Variants in SETDB1 observed in about 807,000 individuals in gnomAD.
The protein encoded by SETDB1 is histone-lysine N-methyltransferase SETDB1.
SETDB1 carries 31 observed loss-of-function variants against 137.4 expected under a neutral mutation model. That is an observed-to-expected ratio of 0.23 (90% CI 0.17 to 0.30). SETDB1 has a LOEUF of 0.30. SETDB1 is among the 10% of genes least tolerant of loss of function. The probability of loss-of-function intolerance (pLI) is 1.00; values close to 1 mark genes in which losing one functional copy is unlikely to be tolerated. For synonymous variants in SETDB1, 548 were observed against 579.9 expected (o/e 0.95, Z 0.79); for missense variants, 1,113 against 1,631.5 (o/e 0.68, Z 5.47).
chr1:150,963,807 A>G, intron 20 of SETDB1, 66 bp downstream of exon 20: 1 of 1,484,856 alleles, frequency 6.7e-7, no homozygotes, highest in South Asian at 1.1e-5. Context: ...CTTTTAACAT[A>G]CTCTATAAGC....
chr1:150,926,413 TC>T lies in SETDB1; in HGVS notation c.-113del, dbSNP rs1669516328. On this transcript the variant is annotated 5_prime_UTR_variant, in exon 1 of 22. Coordinates refer to ENST00000692827, the MANE Select transcript of SETDB1 (RefSeq NM_001366418.1). ...TTCACGCTTCCTCCCCTCCCCCTCC[TC>T]CCTTATCCCTTCGCTTTCGCTCTTT... 2 of 223,682 alleles carry T rather than the reference TC, an allele frequency of 8.9e-6. No homozygotes were observed. Among genetic ancestry groups the T allele is most frequent in the Non-Finnish European group, 9.0e-6 (1 of 111,436 alleles). The allele number at this position is 223,682 out of a possible 1,614,324, so 13.9% of individuals were successfully genotyped here. A position where few individuals can be genotyped will look rare whatever the true frequency, so the allele number is the denominator to read the frequency against.
chr1:150,957,985 G>A (rs933269673), intron 14 of SETDB1, among the ~76,000 whole-genome samples: 1 of 152,074 alleles, frequency 6.6e-6, no homozygotes, highest in East Asian at 1.9e-4. Context: ...TCGGGAATTC[G>A]AGACCAGCCT....
intron 9 of SETDB1, 165 bp downstream of exon 9, chr1:150,945,273 C>A: frequency 6.9e-7 from 1 of 1,456,890 alleles, no homozygotes; most frequent in Non-Finnish European, 9.1e-7. Context: ...TTTTGTTGTT[C>A]CTCTGCAGGT....
chr1:150,948,380 C>T (rs1202735798), intron 10 of SETDB1, among the ~76,000 whole-genome samples: 1 of 150,574 alleles, frequency 6.6e-6, no homozygotes, highest in Non-Finnish European at 1.5e-5. Flanking sequence ...CAGCAATTCT[C>T]CTGCCTCAGC....
chr1:150,926,990 A>G (rs1669545182), intron 1 of SETDB1, among the ~76,000 whole-genome samples: 2 of 152,356 alleles, frequency 1.3e-5, no homozygotes, highest in South Asian at 4.1e-4. Flanking sequence ...TGAGTTCCAA[A>G]TCAACTCCAT....
At chr1:150,932,875 T>C (rs1285116327) in intron 3 of SETDB1, among the ~76,000 whole-genome samples, 1 of 152,224 alleles carries the variant, frequency 6.6e-6, no homozygotes, top group Admixed American at 6.5e-5. Context: ...CAGGATATCA[T>C]ACTTTTTTTA....
At chr1:150,961,739 TAA>T (rs1370608851) in intron 16 of SETDB1, 1 of 205,082 alleles carries the variant, frequency 4.9e-6, no homozygotes, top group Non-Finnish European at 1.0e-5. Flanking sequence ...GAAAGATTTA[TAA>T]GTGATTTTTT....
chr1:150,963,611 C>T lies in SETDB1; in HGVS notation c.3542C>T (p.Thr1181Ile). The change falls in exon 20 of 22, where the codon ACC becomes ATC. Residue 1181 changes from threonine to isoleucine, a missense_variant. Coordinates refer to ENST00000692827, the MANE Select transcript of SETDB1 (RefSeq NM_001366418.1). The part of the protein sequence containing the change: ...KSTHGIAIKS[T>I]NMASVDKGES... ...ACCCATGGGATTGCAATTAAATCAA[C>T]CAACATGGCCTCTGTGGACAAGGGG... 1 of 1,614,180 alleles carries T rather than the reference C, an allele frequency of 6.2e-7. No individual in the cohort carries two copies. Among genetic ancestry groups the T allele is most frequent in the Non-Finnish European group, 8.5e-7 (1 of 1,180,030 alleles).
At chr1:150,961,486 T>C (rs1670820985) in intron 16 of SETDB1, 1 of 353,462 alleles carries the variant, frequency 2.8e-6, no homozygotes, top group Non-Finnish European at 5.4e-6. Context: ...AAACCCCGTC[T>C]CTACTAAAAA....
intron 2 of SETDB1, 21 bp from the exon 3 acceptor site, chr1:150,929,946 C>A: frequency 6.2e-7 from 1 of 1,607,408 alleles, no homozygotes; most frequent in South Asian, 1.1e-5. Context: ...TTGACCTTTT[C>A]TGCATGTGTT....
In SETDB1 at chr1:150,943,091, G is replaced by A. The variant is rs774682227; in HGVS notation, c.875+38G>A. On this transcript the variant is annotated intron_variant, in intron 7 of 21. Transcript: ENST00000692827. ...AGGACTGTAAAGGGGTAGAGGCTGG[G>A]AGCACAGCACCTGCCCTGTTCGTGC... 1.5e-5 allele frequency: 23 copies of A among 1,484,868 alleles called. No individual in the cohort carries two copies. The Admixed American group carries it at 2.4e-4, about 15-fold the overall frequency. 92.0% of individuals were successfully genotyped at this position (1,484,868 alleles called of 1,614,324 possible).
At chr1:150,945,940 G>A (rs1571643957) in intron 9 of SETDB1, among the ~76,000 whole-genome samples, 1 of 151,976 alleles carries the variant, frequency 6.6e-6, no homozygotes, top group Admixed American at 6.6e-5. Flanking sequence ...GACCTCAAGT[G>A]ATCCACCTGC....
At chr1:150,944,094 G>C in intron 8 of SETDB1, 101 bp downstream of exon 8, 1 of 841,116 alleles carries the variant, frequency 1.2e-6, no homozygotes, top group Non-Finnish European at 2.1e-6. Flanking sequence ...TGGTATTTCA[G>C]TCTCAAAGAG....
At chr1:150,952,220 G>C (rs1274515084) in intron 14 of SETDB1, among the ~76,000 whole-genome samples, 1 of 152,048 alleles carries the variant, frequency 6.6e-6, no homozygotes, top group East Asian at 1.9e-4. Flanking sequence ...CAAGTGATGT[G>C]ACCTGCCTTT....
In SETDB1 at chr1:150,939,926, C is replaced by G. The variant is rs189867113; in HGVS notation, c.413-14C>G. 6.9e-5 allele frequency: 111 copies of G among 1,608,102 alleles called. No individual in the cohort carries two copies. The African/African-American group carries it at 1.4e-3, about 20-fold the overall frequency. On this transcript the variant is annotated splice_polypyrimidine_tract_variant and intron_variant, in intron 3 of 21. Coordinates refer to ENST00000692827, the MANE Select transcript of SETDB1 (RefSeq NM_001366418.1). ...TAAGTCTCTGACACTCATTAGAGTT[C>G]TTCTCGTCCATAGGTGATGCTGGGA...
intron 10 of SETDB1, among the ~76,000 whole-genome samples, chr1:150,948,151 C>T (rs771162198): frequency 1.3e-5 from 2 of 151,974 alleles, no homozygotes; most frequent in Non-Finnish European, 2.9e-5. Flanking sequence ...TTGCTTGAAG[C>T]CCAGGATTTC....
intron 3 of SETDB1, among the ~76,000 whole-genome samples, chr1:150,931,079 G>A (rs1023755306): frequency 6.6e-6 from 1 of 151,400 alleles, no homozygotes; most frequent in African/African-American, 2.4e-5. Context: ...GGCCAACGTA[G>A]CAAGACCTCA....
intron 1 of SETDB1, 193 bp downstream of exon 1, chr1:150,926,710 A>G: frequency 5.6e-6 from 3 of 532,222 alleles, no homozygotes; most frequent in South Asian, 2.8e-5. Context: ...GTGTGTGGGC[A>G]GAGGAAAATG....
In SETDB1 at chr1:150,929,971, G is replaced by T; in HGVS notation, c.265G>T (p.Val89Leu). 1 of 1,612,892 alleles carries T rather than the reference G, an allele frequency of 6.2e-7. No homozygotes were observed. The highest frequency in any genetic ancestry group is 1.1e-5 in the South Asian group (1 of 90,886). The stretch of plus-strand genomic sequence containing the variant: ...CTGCATGTGTTCCAATATTAGGGCA[G>T]TGACTAATTGTGAGTCTTTGGTGAA... ...DQLFDDASRAVTNCESLVKDF... is the reference protein window; with the variant it reads ...DQLFDDASRALTNCESLVKDF... The change falls in exon 3 of 22, where the codon GTG becomes TTG. Residue 89 changes from valine to leucine, a missense_variant. Physicochemically the swap from Val to Leu is conservative, Grantham distance 32. Around this residue, in one of 11 missense-constraint regions of SETDB1, gnomAD observed 159 missense variants for 188.6 expected, o/e 0.84. Transcript: ENST00000692827.
Sources: gnomAD v4.1 joint callset for allele counts (sites outside exome capture counted in the v4.1 genomes callset) on GRCh38, gnomAD v4.1.1 for gene constraint, gnomAD v4.1.1 regional missense constraint, MANE v1.5 for transcripts, NCBI Gene and HGNC (gene_info 2026-07-23, HGNC 2026-07-21) for gene names.